Variants in HSF2BP observed in about 807,000 individuals in gnomAD.
The protein encoded by HSF2BP is heat shock factor 2-binding protein.
A neutral mutation model predicts 35.0 loss-of-function variants in HSF2BP; 35 were observed. The ratio of observed to expected loss-of-function variants is 1.00; its 90% confidence interval spans 0.76 to 1.32. The LOEUF is 1.32. Ranked by LOEUF, HSF2BP falls within the 40% of genes most tolerant of loss-of-function variation. The probability of loss-of-function intolerance (pLI) is 0.00; values close to 1 mark genes in which losing one functional copy is unlikely to be tolerated. For missense variants in HSF2BP, 326 were observed against 321.7 expected (o/e 1.01, Z -0.10); for synonymous variants, 114 against 117.4 (o/e 0.97, Z 0.18).
intron 8 of HSF2BP, among the ~76,000 whole-genome samples, chr21:43,585,080 G>T (rs1238733147): frequency 1.3e-5 from 2 of 152,032 alleles, no homozygotes; most frequent in Admixed American, 1.3e-4. Context: ...GCCAAGGCAG[G>T]AAGATCACTT....
At chr21:43,637,656 A>G (rs1015731839) in intron 4 of HSF2BP, among the ~76,000 whole-genome samples, 14 of 151,896 alleles carry the variant, frequency 9.2e-5, no homozygotes, top group Non-Finnish European at 1.9e-4. Context: ...AAACTTAAAA[A>G]AAAAAAAAAT....
intron 5 of HSF2BP, among the ~76,000 whole-genome samples, chr21:43,630,946 G>A (rs1436009791): frequency 6.6e-6 from 1 of 152,158 alleles, no homozygotes; most frequent in Admixed American, 6.5e-5. Context: ...CCTTTGGGGT[G>A]CTAGAGTTCT....
intron 8 of HSF2BP, among the ~76,000 whole-genome samples, chr21:43,579,401 A>C (rs1442104585): frequency 6.6e-6 from 1 of 152,244 alleles, no homozygotes; most frequent in Non-Finnish European, 1.5e-5. Context: ...TTAGTAGCCT[A>C]CTTTGATGCC....
Position 43,642,567 on chromosome 21 carries a change from A to G in HSF2BP, c.291+1722T>C, listed in dbSNP as rs2082651601. 2.6e-5 allele frequency among the ~76,000 whole-genome samples: 4 copies of G among 152,058 alleles called. No homozygotes were observed. The South Asian group carries it at 8.3e-4, about 32-fold the overall frequency. On this transcript the variant is annotated intron_variant, in intron 4 of 8. Coordinates refer to ENST00000291560, the MANE Select transcript of HSF2BP (RefSeq NM_007031.2). ...TCACCTTGCAGGAGCTTCCCTCTGC[A>G]TTCACCTTGCAGGGGCTTCCCTCTG...
chr21:43,598,165 G>A (rs1405633307), intron 7 of HSF2BP, among the ~76,000 whole-genome samples: 1 of 151,998 alleles, frequency 6.6e-6, no homozygotes, highest in Non-Finnish European at 1.5e-5. Flanking sequence ...TCACCCATGT[G>A]ACCATAGGCA....
intron 8 of HSF2BP, among the ~76,000 whole-genome samples, chr21:43,577,300 A>G (rs970854600): frequency 6.6e-6 from 1 of 152,240 alleles, no homozygotes; most frequent in Non-Finnish European, 1.5e-5. Context: ...CTGCATATCA[A>G]TAAATCTGGA....
chr21:43,580,901 G>A (rs1332916216), intron 8 of HSF2BP, among the ~76,000 whole-genome samples: 1 of 152,200 alleles, frequency 6.6e-6, no homozygotes, highest in Non-Finnish European at 1.5e-5. Flanking sequence ...ACACATCACT[G>A]AATATTCACT....
chr21:43,599,522 A>G (rs1259119386), intron 7 of HSF2BP, among the ~76,000 whole-genome samples: 1 of 152,140 alleles, frequency 6.6e-6, no homozygotes, highest in Non-Finnish European at 1.5e-5. Context: ...GGCCAGATGC[A>G]GTGGCTCATG....
At chr21:43,653,097 C>G (rs111628997) in intron 3 of HSF2BP, among the ~76,000 whole-genome samples, 6,198 of 151,456 alleles carry the variant, frequency 0.041, 441 homozygotes, top group African/African-American at 0.14. Flanking sequence ...GAGCTGAGAT[C>G]ATGCCACTGC....
At chr21:43,587,681 A>T (rs2081871683) in intron 8 of HSF2BP, among the ~76,000 whole-genome samples, 1 of 151,276 alleles carries the variant, frequency 6.6e-6, no homozygotes, top group Admixed American at 6.6e-5. Flanking sequence ...AAAAAAAAAA[A>T]AAAAAGGAAA....
At chr21:43,635,436 C>T (rs1266560799) in intron 4 of HSF2BP, among the ~76,000 whole-genome samples, 1 of 152,148 alleles carries the variant, frequency 6.6e-6, no homozygotes, top group Non-Finnish European at 1.5e-5. Flanking sequence ...AAAAAACTAA[C>T]TATAAACCTA....
At chr21:43,636,870 C>T (rs1275096360) in intron 4 of HSF2BP, among the ~76,000 whole-genome samples, 5 of 124,194 alleles carry the variant, frequency 4.0e-5, no homozygotes, top group African/African-American at 9.3e-5. Context: ...CCAGCCTGGG[C>T]GAGAGCGAAA....
intron 4 of HSF2BP, among the ~76,000 whole-genome samples, chr21:43,636,894 CAAAAAAAAAA>C (rs34578952): frequency 2.3e-4 from 26 of 112,060 alleles, no homozygotes; most frequent in Non-Finnish European, 3.7e-4. Flanking sequence ...CGTCTCAAAA[CAAAAAAAAAA>C]AAAAAAAAAA....
intron 4 of HSF2BP, 24 bp downstream of exon 4, chr21:43,644,263 TGA>T (rs765000808): frequency 4.4e-6 from 7 of 1,573,162 alleles, no homozygotes; most frequent in Admixed American, 1.7e-5. Flanking sequence ...TCTGGCTTGG[TGA>T]GAGTCTGTCC....
At chr21:43,604,084 G>A (rs1167214306) in intron 7 of HSF2BP, among the ~76,000 whole-genome samples, 1 of 152,076 alleles carries the variant, frequency 6.6e-6, no homozygotes, top group Non-Finnish European at 1.5e-5. Context: ...GGCCTGGGAA[G>A]ACAAAAGGCT....
chr21:43,651,667 C>G (rs577563599), intron 3 of HSF2BP, among the ~76,000 whole-genome samples: 1 of 152,172 alleles, frequency 6.6e-6, no homozygotes, highest in Non-Finnish European at 1.5e-5. Context: ...ATCCCTAATT[C>G]TGCTATACCC....
chr21:43,651,881 C>A (rs564847953), intron 3 of HSF2BP, among the ~76,000 whole-genome samples: 2 of 152,204 alleles, frequency 1.3e-5, no homozygotes, highest in African/African-American at 4.8e-5. Flanking sequence ...TTGCAAACTG[C>A]CATTTACCTT....
chr21:43,535,734 TAAAATAAAATAAAATAAAATAATAA>T (rs1569047092), intron 8 of HSF2BP, among the ~76,000 whole-genome samples: 2 of 2,232 alleles, frequency 9.0e-4, no homozygotes, highest in Non-Finnish European at 1.7e-3. Context: ...TAAAATAAAA[TAAAATAAAATAAAATAAAATAATAA>T]AATAAAATAA....
chr21:43,584,908 C>A (rs916687639), intron 8 of HSF2BP, among the ~76,000 whole-genome samples: 1 of 152,076 alleles, frequency 6.6e-6, no homozygotes, highest in African/African-American at 2.4e-5. Flanking sequence ...TGAAAAATAC[C>A]CTCAAAGCAA....
Sources: gnomAD v4.1 joint callset for allele counts (sites outside exome capture counted in the v4.1 genomes callset) on GRCh38, gnomAD v4.1.1 for gene constraint, MANE v1.5 for transcripts, NCBI Gene and HGNC (gene_info 2026-07-23, HGNC 2026-07-21) for gene names.